The following ZBTB20 variants were observed in gnomAD, a reference collection of about 807,000 sequenced individuals.
ZBTB20 encodes the protein zinc finger and BTB domain-containing protein 20.
Under a neutral mutation model 56.9 loss-of-function variants are expected in ZBTB20, and 9 were observed. That is an observed-to-expected ratio of 0.16 (90% CI 0.10 to 0.28). The LOEUF is 0.28. Ranked by LOEUF, ZBTB20 falls within the 10% of genes least tolerant of loss-of-function variation. ZBTB20 has a pLI of 1.00. For missense variants in ZBTB20, 655 were observed against 1,003.0 expected, an observed-to-expected ratio of 0.65 and a Z score of 4.69; for synonymous variants, 417 against 420.7, an observed-to-expected ratio of 0.99 and a Z score of 0.11.
intron 5 of ZBTB20, among the ~76,000 whole-genome samples, chr3:114,791,190 C>G (rs1395294230): frequency 6.6e-6 from 1 of 152,160 alleles, no homozygotes; most frequent in African/African-American, 2.4e-5. Context: ...ACTGACAACA[C>G]CTGAATCAAG....
chr3:114,852,232 G>C (rs2075036078), intron 4 of ZBTB20, among the ~76,000 whole-genome samples: 2 of 151,624 alleles, frequency 1.3e-5, no homozygotes, highest in Non-Finnish European at 2.9e-5. Context: ...TGTTTATCTA[G>C]TTTTTGAACT....
chr3:114,923,005 A>C (rs2076017682), intron 3 of ZBTB20, among the ~76,000 whole-genome samples: 1 of 152,244 alleles, frequency 6.6e-6, no homozygotes, highest in South Asian at 2.1e-4. Context: ...ATAACATACT[A>C]AGAAATAAAT....
chr3:114,805,568 G>T (rs962867011), intron 4 of ZBTB20, among the ~76,000 whole-genome samples: 2 of 151,678 alleles, frequency 1.3e-5, no homozygotes, highest in African/African-American at 4.8e-5. Flanking sequence ...GAGAATGTCT[G>T]CCAGGTTTCT....
chr3:114,740,570 T>C (rs2066501103), intron 5 of ZBTB20, among the ~76,000 whole-genome samples: 1 of 152,176 alleles, frequency 6.6e-6, no homozygotes, highest in Non-Finnish European at 1.5e-5. Flanking sequence ...GTTGGGACAG[T>C]GGGTGGTAGA....
At chr3:114,372,291 T>C (rs2083109121) in intron 10 of ZBTB20, among the ~76,000 whole-genome samples, 1 of 152,206 alleles carries the variant, frequency 6.6e-6, no homozygotes, top group South Asian at 2.1e-4. Flanking sequence ...AACAGAACCG[T>C]GAAAATCAGC....
At chr3:115,012,981 T>G in intron 2 of ZBTB20, among the ~76,000 whole-genome samples, 1 of 151,424 alleles carries the variant, frequency 6.6e-6, no homozygotes, top group Non-Finnish European at 1.5e-5. Context: ...GGTAAATGAG[T>G]AAATTAAGAA....
chr3:114,895,051 G>A (rs534652660), intron 4 of ZBTB20, among the ~76,000 whole-genome samples: 2 of 152,058 alleles, frequency 1.3e-5, no homozygotes, highest in South Asian at 4.2e-4. Flanking sequence ...AAACAGCCTG[G>A]CAGAGGAAAA....
intron 7 of ZBTB20, among the ~76,000 whole-genome samples, chr3:114,433,437 C>G (rs1476081246): frequency 6.6e-6 from 1 of 152,028 alleles, no homozygotes; most frequent in African/African-American, 2.4e-5. Context: ...AGAATGAAAC[C>G]TATAAGTAAT....
Position 114,671,225 on chromosome 3 carries a change from T to C in ZBTB20, c.-295+22303A>G, listed in dbSNP as rs1266781387. Among the ~76,000 whole-genome samples the C allele has an allele frequency of 2.0e-5, 3 of 152,130 alleles. No homozygotes were observed. The East Asian group carries it at 5.8e-4, about 29-fold the overall frequency. Reference sequence around the variant, plus strand: ...TGTTATATGAAACAGTAATATTTATTAAAAGTGCTTTTGTAAAGCCCAAAA... The same window carrying C: ...TGTTATATGAAACAGTAATATTTATCAAAAGTGCTTTTGTAAAGCCCAAAA... On this transcript the variant is annotated intron_variant, in intron 6 of 11. Transcript: ENST00000675478.
chr3:114,841,046 C>A (rs1052627368), intron 4 of ZBTB20, among the ~76,000 whole-genome samples: 1 of 152,004 alleles, frequency 6.6e-6, no homozygotes, highest in Non-Finnish European at 1.5e-5. Flanking sequence ...TTATTAAATG[C>A]CTAGTAAATG....
intron 2 of ZBTB20, among the ~76,000 whole-genome samples, chr3:115,023,730 T>G (rs1471190781): frequency 6.6e-6 from 1 of 150,952 alleles, no homozygotes; most frequent in Non-Finnish European, 1.5e-5. Context: ...CCCACTTTTC[T>G]CCCTTTTCTT....
At chr3:114,430,224 A>G (rs1207762134) in intron 7 of ZBTB20, among the ~76,000 whole-genome samples, 1 of 152,252 alleles carries the variant, frequency 6.6e-6, no homozygotes, top group African/African-American at 2.4e-5. Context: ...TGCCTACTAC[A>G]TTTCAGTACT....
chr3:114,489,972 C>T (rs2042557028), intron 7 of ZBTB20, among the ~76,000 whole-genome samples: 1 of 152,146 alleles, frequency 6.6e-6, no homozygotes, highest in South Asian at 2.1e-4. Flanking sequence ...ACTTCCACCT[C>T]CTTCAGACCC....
In ZBTB20 at chr3:114,566,668, A is replaced by C. The variant is rs182329670; in HGVS notation, c.-294-66277T>G. On this transcript the variant is annotated intron_variant, in intron 6 of 11. Transcript: ENST00000675478. ...ACACTTAACTCATGTCGGGGTAAAA[A>C]GCACCTCCAGATTTAGAAGGGCCAG... Among the ~76,000 whole-genome samples the C allele has an allele frequency of 2.0e-5, 3 of 152,314 alleles. No individual in the cohort carries two copies. In the East Asian group the frequency reaches 5.8e-4, roughly 29 times the overall value.
At chr3:114,348,193 A>G (rs2080350797) in intron 11 of ZBTB20, among the ~76,000 whole-genome samples, 1 of 152,246 alleles carries the variant, frequency 6.6e-6, no homozygotes, top group Non-Finnish European at 1.5e-5. Context: ...GAAGAGATGT[A>G]CAGAGGGGAG....
At chr3:115,036,816 T>A (rs186614001) in intron 2 of ZBTB20, among the ~76,000 whole-genome samples, 58 of 152,266 alleles carry the variant, frequency 3.8e-4, no homozygotes, top group Non-Finnish European at 7.2e-4. Flanking sequence ...TAACCTTTTT[T>A]CTAATTTGGC....
chr3:114,868,314 C>T (rs532852310), intron 4 of ZBTB20, among the ~76,000 whole-genome samples: 8 of 152,202 alleles, frequency 5.3e-5, no homozygotes, highest in East Asian at 1.9e-4. Context: ...CTTCCCCAAG[C>T]GGATAAAAAG....
chr3:114,751,336 AT>A (rs2067541827), intron 5 of ZBTB20, among the ~76,000 whole-genome samples: 3 of 152,130 alleles, frequency 2.0e-5, no homozygotes, highest in Admixed American at 2.0e-4. Flanking sequence ...CCATTTGAAG[AT>A]TTAGTCACAA....
chr3:114,714,770 G>A (rs752791311), intron 5 of ZBTB20, among the ~76,000 whole-genome samples: 2 of 152,090 alleles, frequency 1.3e-5, no homozygotes, highest in African/African-American at 2.4e-5. Flanking sequence ...CAACTTTTTC[G>A]CTGCAAAATA....
Sources: allele counts gnomAD v4.1 joint callset (sites outside exome capture counted in the v4.1 genomes callset), GRCh38; gene constraint gnomAD v4.1.1; transcripts MANE v1.5; gene names NCBI Gene and HGNC (gene_info 2026-07-23, HGNC 2026-07-21).